Variants in COL27A1 observed in about 807,000 individuals in gnomAD.
The protein encoded by COL27A1 is collagen alpha-1(XXVII) chain.
Under a neutral mutation model 251.3 loss-of-function variants are expected in COL27A1, and 106 were observed. The observed-to-expected ratio is 0.42, with a 90% CI of 0.36 to 0.50. COL27A1 has a LOEUF of 0.50. COL27A1 is among the 20% of genes least tolerant of loss of function. COL27A1 has a pLI of 0.00. For missense variants in COL27A1, 2,325 were observed against 2,522.8 expected, an observed-to-expected ratio of 0.92 and a Z score of 1.68; for synonymous variants, 1,000 against 986.3, an observed-to-expected ratio of 1.01 and a Z score of -0.26.
At chr9:114,256,812 T>A (rs1393800396) in intron 27 of COL27A1, among the ~76,000 whole-genome samples, 1 of 152,172 alleles carries the variant, frequency 6.6e-6, no homozygotes, top group East Asian at 1.9e-4. Flanking sequence ...TGAGCCCGGG[T>A]TCTCCAGTGC....
chr9:114,161,285 C>T (rs1848479796), intron 1 of COL27A1, among the ~76,000 whole-genome samples: 1 of 152,152 alleles, frequency 6.6e-6, no homozygotes. Context: ...AACAGGCATC[C>T]CTCACCTCTT....
intron 5 of COL27A1, among the ~76,000 whole-genome samples, chr9:114,190,991 A>G (rs573027752): frequency 6.6e-6 from 1 of 152,336 alleles, no homozygotes; most frequent in African/African-American, 2.4e-5. Flanking sequence ...GCTCTATCCC[A>G]GAAGTCATAC....
In COL27A1 at chr9:114,168,042, C is replaced by A; in HGVS notation, c.487C>A (p.Leu163Ile). 1 of 1,606,522 alleles carries A rather than the reference C, an allele frequency of 6.2e-7. No homozygotes were observed. Among genetic ancestry groups the A allele is most frequent in the East Asian group, 2.2e-5 (1 of 44,862 alleles). Reference protein sequence around the residue: ...DGRWHHLALELRGRTVTLVTA... With the variant: ...DGRWHHLALEIRGRTVTLVTA... Reference sequence around the variant, plus strand: ...GCGCTGGCACCACCTGGCCCTCGAGCTCCGAGGCCGCACAGTCACTCTGGT... The same window carrying A: ...GCGCTGGCACCACCTGGCCCTCGAGATCCGAGGCCGCACAGTCACTCTGGT... Residue 163 changes from leucine to isoleucine, a missense_variant, in exon 3 of 61, where the codon CTC (leucine) becomes ATC (isoleucine). By Grantham distance (5) the Leu-to-Ile change is conservative (BLOSUM62 2). Coordinates refer to ENST00000356083, the MANE Select transcript of COL27A1 (RefSeq NM_032888.4).
At chr9:114,205,930 A>G in intron 9 of COL27A1, 118 bp downstream of exon 9, 1 of 922,138 alleles carries the variant, frequency 1.1e-6, no homozygotes, top group Non-Finnish European at 1.6e-6. Context: ...TGCTGGGTGG[A>G]CCCTAAGGAG....
intron 57 of COL27A1, among the ~76,000 whole-genome samples, chr9:114,305,566 G>A (rs372422400): frequency 6.6e-6 from 1 of 152,214 alleles, no homozygotes; most frequent in African/African-American, 2.4e-5. Context: ...GCACGTAAAA[G>A]TTAATTGGCT....
chr9:114,257,313 C>T (rs1366336408), intron 27 of COL27A1, among the ~76,000 whole-genome samples: 4 of 119,632 alleles, frequency 3.3e-5, no homozygotes, highest in African/African-American at 9.6e-5. Context: ...CCTGGCTGGC[C>T]GGTGGATGAA....
intron 28 of COL27A1, among the ~76,000 whole-genome samples, chr9:114,259,783 G>A (rs1209852727): frequency 6.6e-6 from 1 of 152,224 alleles, no homozygotes; most frequent in African/African-American, 2.4e-5. Flanking sequence ...TAAAGAGAAA[G>A]TGAGATGGTG....
chr9:114,191,150 T>C lies in COL27A1; in HGVS notation c.2017-3254T>C, dbSNP rs1272044529. ...AGTTCTCTCCAACTTCTTCCTGTCC[T>C]CCACTTACCACCGGATTGTAGTTTT... is the stretch of plus-strand genomic sequence containing the variant. On this transcript the variant is annotated intron_variant, in intron 5 of 60. Coordinates refer to ENST00000356083, the MANE Select transcript of COL27A1 (RefSeq NM_032888.4). Among the ~76,000 whole-genome samples the C allele has an allele frequency of 9.8e-5, 15 of 152,340 alleles. No homozygotes were observed. The East Asian group carries it at 2.9e-3, about 29-fold the overall frequency.
At chr9:114,202,418 C>T (rs970220177) in intron 7 of COL27A1, among the ~76,000 whole-genome samples, 2 of 152,210 alleles carry the variant, frequency 1.3e-5, no homozygotes, top group African/African-American at 4.8e-5. Context: ...GATAATTACT[C>T]ATACAGAGTC....
At chr9:114,221,397 G>A (rs900395306) in intron 13 of COL27A1, among the ~76,000 whole-genome samples, 1 of 152,270 alleles carries the variant, frequency 6.6e-6, no homozygotes, top group East Asian at 1.9e-4. Context: ...CTTGGCGAGC[G>A]GCAGGGATGT....
chr9:114,181,233 G>A (rs896362219), intron 4 of COL27A1, among the ~76,000 whole-genome samples: 6 of 152,266 alleles, frequency 3.9e-5, no homozygotes, highest in East Asian at 3.9e-4. Context: ...GTTCTGTCGC[G>A]TGCCAGGAGA....
intron 2 of COL27A1, among the ~76,000 whole-genome samples, chr9:114,164,630 G>C (rs1007750417): frequency 2.0e-5 from 3 of 152,236 alleles, no homozygotes; most frequent in Non-Finnish European, 4.4e-5. Flanking sequence ...GTTGAGCAGG[G>C]ACTAAAGGAA....
chr9:114,253,582 A>T (rs1833720308), intron 27 of COL27A1, among the ~76,000 whole-genome samples: 2 of 152,216 alleles, frequency 1.3e-5, no homozygotes, highest in East Asian at 1.9e-4. Flanking sequence ...TCAGAATCAG[A>T]CAGACCTGGG....
intron 10 of COL27A1, chr9:114,209,363 G>A (rs376502647): frequency 3.2e-5 from 21 of 651,288 alleles, no homozygotes; most frequent in East Asian, 2.0e-4. Context: ...TAACCCAGCC[G>A]CGAGCTTCCT....
intron 7 of COL27A1, among the ~76,000 whole-genome samples, chr9:114,196,628 TCTG>T: frequency 6.6e-6 from 1 of 152,262 alleles, no homozygotes; most frequent in East Asian, 1.9e-4. Context: ...TCGCTGATGC[TCTG>T]CAGGGGAAGG....
intron 34 of COL27A1, among the ~76,000 whole-genome samples, chr9:114,267,905 T>C (rs934357863): frequency 6.6e-6 from 1 of 152,112 alleles, no homozygotes; most frequent in African/African-American, 2.4e-5. Context: ...GAGAGCCCCC[T>C]CCCCATTCTG....
chr9:114,258,721 A>G (rs1352810709), intron 28 of COL27A1, 127 bp downstream of exon 28: 3 of 963,614 alleles, frequency 3.1e-6, no homozygotes, highest in East Asian at 2.6e-5. Context: ...CTTTCATAGC[A>G]CAAGGCAAGG....
At position 114,172,648 on chromosome 9, in the gene COL27A1, G is replaced by T. The variant is rs138778421; in HGVS notation, c.1908+3185G>T. 1.8e-3 allele frequency among the ~76,000 whole-genome samples: 274 copies of T among 152,220 alleles called. 2 individuals carry two copies. Among genetic ancestry groups the T allele is most frequent in the African/African-American group, 6.5e-3 (269 of 41,528 alleles). ...GTCTTTACCAAAAATACAAGAATTA[G>T]CCAGGCATGGTGGTGTGCGCCTGTA... On this transcript the variant is annotated intron_variant, in intron 3 of 60. Coordinates refer to ENST00000356083, the MANE Select transcript of COL27A1 (RefSeq NM_032888.4).
chr9:114,191,522 T>G (rs1432561473), intron 5 of COL27A1, among the ~76,000 whole-genome samples: 1 of 152,198 alleles, frequency 6.6e-6, no homozygotes, highest in Non-Finnish European at 1.5e-5. Context: ...CAGGCAGTAT[T>G]TGGTTTTCTG....
Sources: allele counts gnomAD v4.1 joint callset (sites outside exome capture counted in the v4.1 genomes callset), GRCh38; gene constraint gnomAD v4.1.1; transcripts MANE v1.5; gene names NCBI Gene and HGNC (gene_info 2026-07-23, HGNC 2026-07-21).